PLCB1: variants seen among roughly 807,000 people sequenced by gnomAD.
The protein encoded by PLCB1 is phospholipase C beta 1, also known as 1-phosphatidylinositol 4,5-bisphosphate phosphodiesterase beta-1.
A neutral mutation model predicts 161.8 loss-of-function variants in PLCB1; 46 were observed. That is an observed-to-expected ratio of 0.28 (90% CI 0.22 to 0.36). The LOEUF (loss-of-function observed/expected upper bound fraction) is 0.36, where lower values mean the gene tolerates loss of function less well. PLCB1 is among the 10% of genes least tolerant of loss of function. The probability of loss-of-function intolerance (pLI) is 1.00; values close to 1 mark genes in which losing one functional copy is unlikely to be tolerated. For synonymous variants in PLCB1, 517 were observed against 503.7 expected (o/e 1.03, Z -0.35); for missense variants, 1,016 against 1,472.5 (o/e 0.69, Z 5.07).
chr20:8,546,269 G>A (rs1040336991), intron 3 of PLCB1, among the ~76,000 whole-genome samples: 11 of 144,256 alleles, frequency 7.6e-5, no homozygotes, highest in African/African-American at 1.6e-4. Flanking sequence ...AGCTGAGATC[G>A]CGCCACTGAC....
At chr20:8,477,560 A>C (rs1211182538) in intron 3 of PLCB1, among the ~76,000 whole-genome samples, 1 of 152,202 alleles carries the variant, frequency 6.6e-6, no homozygotes, top group Non-Finnish European at 1.5e-5. Context: ...GTAATTTAGA[A>C]AGAAAAGAGG....
At chr20:8,415,122 A>C (rs2122524513) in intron 3 of PLCB1, among the ~76,000 whole-genome samples, 1 of 152,322 alleles carries the variant, frequency 6.6e-6, no homozygotes, top group African/African-American at 2.4e-5. Flanking sequence ...CAATAGGGTG[A>C]GTCATAATAG....
intron 3 of PLCB1, among the ~76,000 whole-genome samples, chr20:8,602,114 G>C (rs1987604999): frequency 6.6e-6 from 1 of 152,096 alleles, no homozygotes; most frequent in South Asian, 2.1e-4. Context: ...TCTCTCATGA[G>C]ACTAGTTTGA....
chr20:8,605,533 CT>C (rs1261094729), intron 3 of PLCB1, among the ~76,000 whole-genome samples: 1 of 148,232 alleles, frequency 6.7e-6, no homozygotes, highest in African/African-American at 2.5e-5. Context: ...ACATCAACCT[CT>C]TTGTCAAATT....
intron 3 of PLCB1, among the ~76,000 whole-genome samples, chr20:8,623,038 G>C (rs1988228856): frequency 2.0e-5 from 3 of 151,976 alleles, no homozygotes; most frequent in Admixed American, 6.6e-5. Flanking sequence ...CTTCTTCTAT[G>C]GTCAGCCTGC....
At chr20:8,482,092 A>ATTTT (rs199634903) in intron 3 of PLCB1, among the ~76,000 whole-genome samples, 3,188 of 104,258 alleles carry the variant, frequency 0.031, 267 homozygotes, top group Non-Finnish European at 0.038. Flanking sequence ...GCTTGAAGGA[A>ATTTT]TTTTTTTTTT....
intron 12 of PLCB1, 24 bp from the exon 13 acceptor site, chr20:8,716,237 CCTT>C: frequency 1.3e-6 from 2 of 1,581,484 alleles, no homozygotes; most frequent in South Asian, 1.1e-5. Flanking sequence ...TCCCTACTTT[CCTT>C]CTTCTGTTCT....
chr20:8,176,729 C>T (rs115067579), intron 2 of PLCB1, among the ~76,000 whole-genome samples: 1,621 of 152,188 alleles, frequency 0.011, 39 homozygotes, highest in African/African-American at 0.036. Flanking sequence ...TATAGTTTTG[C>T]AAGATATTAC....
chr20:8,318,397 T>C (rs1208447169), intron 2 of PLCB1, among the ~76,000 whole-genome samples: 1 of 152,192 alleles, frequency 6.6e-6, no homozygotes, highest in East Asian at 1.9e-4. Context: ...AATGCAGATA[T>C]GCAGATATTT....
chr20:8,763,332 G>A (rs1348375744), intron 25 of PLCB1, among the ~76,000 whole-genome samples: 1 of 152,078 alleles, frequency 6.6e-6, no homozygotes, highest in African/African-American at 2.4e-5. Flanking sequence ...CTCCCGAGTG[G>A]CTGGGATTAC....
At chr20:8,561,945 T>G (rs1372676486) in intron 3 of PLCB1, among the ~76,000 whole-genome samples, 1 of 152,064 alleles carries the variant, frequency 6.6e-6, no homozygotes, top group Non-Finnish European at 1.5e-5. Context: ...AATTTTATAT[T>G]CTTGCAGCAA....
chr20:8,609,871 GT>G lies in PLCB1; in HGVS notation c.247-18422del, dbSNP rs200326591. Reference sequence around the variant, plus strand: ...AAGCATGGTATACACATCACAAAGGGTGCACAGGTACTTTAGGGTGAATATC... The same window carrying G: ...AAGCATGGTATACACATCACAAAGGGGCACAGGTACTTTAGGGTGAATATC... On this transcript the variant is annotated intron_variant, in intron 3 of 31. Coordinates refer to ENST00000338037, the MANE Select transcript of PLCB1 (RefSeq NM_015192.4). 9.3e-4 allele frequency among the ~76,000 whole-genome samples: 141 copies of G among 152,232 alleles called. 2 individuals are homozygous for G. In the East Asian group the frequency reaches 0.022, roughly 24 times the overall value.
At chr20:8,659,483 A>G (rs1188905245) in intron 9 of PLCB1, among the ~76,000 whole-genome samples, 2 of 152,184 alleles carry the variant, frequency 1.3e-5, no homozygotes, top group South Asian at 2.1e-4. Flanking sequence ...GATTGCCTAG[A>G]TATTCCATAG....
intron 3 of PLCB1, among the ~76,000 whole-genome samples, chr20:8,566,539 T>C (rs1199837806): frequency 1.3e-5 from 2 of 152,166 alleles, no homozygotes; most frequent in African/African-American, 4.8e-5. Context: ...AAACATAACA[T>C]TTCTGTTGGG....
chr20:8,827,326 G>T (rs915010577), intron 31 of PLCB1, among the ~76,000 whole-genome samples: 7 of 152,074 alleles, frequency 4.6e-5, no homozygotes. Flanking sequence ...CTGTGTTCGC[G>T]ATGTAATATA....
chr20:8,429,184 A>C (rs1979925476), intron 3 of PLCB1, among the ~76,000 whole-genome samples: 1 of 152,230 alleles, frequency 6.6e-6, no homozygotes, highest in African/African-American at 2.4e-5. Context: ...CGAGCATTTT[A>C]GGTGTTAACC....
chr20:8,724,373 T>C (rs1979819642), intron 15 of PLCB1, among the ~76,000 whole-genome samples: 1 of 152,036 alleles, frequency 6.6e-6, no homozygotes, highest in Non-Finnish European at 1.5e-5. Flanking sequence ...GGGGCTAAGA[T>C]CAGGCATTTC....
Position 8,539,034 on chromosome 20 carries a change from G to A in PLCB1, c.247-89260G>A, listed in dbSNP as rs112728050. Among the ~76,000 whole-genome samples the A allele has an allele frequency of 5.5e-3, 833 of 151,960 alleles. 4 individuals carry two copies. Among genetic ancestry groups the A allele is most frequent in the African/African-American group, 0.018 (765 of 41,438 alleles). On this transcript the variant is annotated intron_variant, in intron 3 of 31. Transcript: ENST00000338037. ...GAACTCCTGACCTCAGGATCCACCC[G>A]CCTCAGACTCTCAAAGTGCTGGGGT...
At chr20:8,661,883 A>G (rs562297841) in intron 9 of PLCB1, among the ~76,000 whole-genome samples, 1 of 141,354 alleles carries the variant, frequency 7.1e-6, no homozygotes, top group African/African-American at 2.7e-5. Flanking sequence ...GGCTACACAC[A>G]GTGACAGACC....
Sources: allele counts gnomAD v4.1 joint callset (sites outside exome capture counted in the v4.1 genomes callset), GRCh38; gene constraint gnomAD v4.1.1; transcripts MANE v1.5; gene names NCBI Gene and HGNC (gene_info 2026-07-23, HGNC 2026-07-21).